Variants in WDR59 observed in about 807,000 individuals in gnomAD.
The protein encoded by WDR59 is GATOR2 complex protein WDR59.
In WDR59, 100 loss-of-function variants were observed where a neutral mutation model predicts 131.2. The observed-to-expected ratio is 0.76, with a 90% confidence interval of 0.65 to 0.90. WDR59 has a LOEUF of 0.90. Ranked by LOEUF, WDR59 falls within the 40% of genes least tolerant of loss-of-function variation. The pLI, the probability that WDR59 is intolerant of heterozygous loss-of-function variation, is 0.00. For synonymous variants in WDR59, 601 were observed against 466.2 expected, an observed-to-expected ratio of 1.29 and a Z score of -3.72; for missense variants, 1,203 against 1,262.2, an observed-to-expected ratio of 0.95 and a Z score of 0.71.
intron 25 of WDR59, among the ~76,000 whole-genome samples, chr16:74,878,179 G>T (rs1964308811): frequency 6.6e-6 from 1 of 152,138 alleles, no homozygotes; most frequent in South Asian, 2.1e-4. Context: ...AACCCACAAT[G>T]TAAGAAATCA....
rs527346748 is a variant in WDR59 at position 74,945,577 on chromosome 16, G to A, written c.446-2751C>T. ...CACCTGTATTTCTATTCAGTTATAC[G>A]CCCTCTGCAGCCAGTCTATGTCTCA... is the stretch of plus-strand genomic sequence containing the variant. On this transcript the variant is annotated intron_variant, in intron 6 of 25. Coordinates refer to ENST00000262144, the MANE Select transcript of WDR59 (RefSeq NM_030581.4). Among the ~76,000 whole-genome samples, 13 of 152,082 alleles carry A rather than the reference G, an allele frequency of 8.5e-5. No individual in the cohort carries two copies. In the East Asian group the frequency reaches 2.3e-3, roughly 27 times the overall value.
chr16:74,948,473 A>G, intron 6 of WDR59, 46 bp downstream of exon 6: 2 of 1,572,612 alleles, frequency 1.3e-6, no homozygotes, highest in Non-Finnish European at 1.8e-6. Context: ...AAGAAAATGA[A>G]GACAAACCAA....
At chr16:74,984,348 G>A (rs2034542176) in intron 1 of WDR59, among the ~76,000 whole-genome samples, 1 of 152,044 alleles carries the variant, frequency 6.6e-6, no homozygotes, top group Non-Finnish European at 1.5e-5. Flanking sequence ...TTGTAAGTAC[G>A]ACCATCTCCC....
chr16:74,941,402 T>C (rs942373288), intron 7 of WDR59, among the ~76,000 whole-genome samples: 2 of 146,218 alleles, frequency 1.4e-5, no homozygotes, highest in East Asian at 2.1e-4. Flanking sequence ...AACTAACATA[T>C]AGAAGATGTG....
chr16:74,984,844 C>G (rs1467853380), intron 1 of WDR59, 120 bp downstream of exon 1: 54 of 1,430,920 alleles, frequency 3.8e-5, no homozygotes, highest in Non-Finnish European at 5.1e-5. Context: ...AAGCCCCGCC[C>G]ACCTCCTCAG....
At chr16:74,910,284 C>T (rs1431198021) in intron 14 of WDR59, among the ~76,000 whole-genome samples, 1 of 152,094 alleles carries the variant, frequency 6.6e-6, no homozygotes, top group African/African-American at 2.4e-5. Context: ...GGCTTTTCTT[C>T]TGCAAAGTGG....
At chr16:74,965,929 T>G in intron 1 of WDR59, 107 bp from the exon 2 acceptor site, 4 of 1,150,690 alleles carry the variant, frequency 3.5e-6, no homozygotes, top group Non-Finnish European at 5.2e-6. Flanking sequence ...AGTCCCCAGC[T>G]CGCAGGTATC....
At chr16:74,884,270 C>T (rs886111452) in intron 25 of WDR59, among the ~76,000 whole-genome samples, 1 of 152,232 alleles carries the variant, frequency 6.6e-6, no homozygotes, top group Non-Finnish European at 1.5e-5. Context: ...GCCACAGTGA[C>T]CCTCTTAAAA....
At chr16:74,874,694 C>G (rs1317167929) in intron 25 of WDR59, among the ~76,000 whole-genome samples, 3 of 152,192 alleles carry the variant, frequency 2.0e-5, no homozygotes, top group African/African-American at 7.2e-5. Flanking sequence ...AGCCCGGATT[C>G]AAGTGTCCTG....
chr16:74,907,104 T>C (rs536219160), intron 17 of WDR59, among the ~76,000 whole-genome samples: 2 of 151,736 alleles, frequency 1.3e-5, no homozygotes, highest in Admixed American at 6.6e-5. Context: ...TGTTCCCTAG[T>C]ACTGAACCCC....
At chr16:74,926,940 A>C (rs2145028240) in intron 8 of WDR59, among the ~76,000 whole-genome samples, 1 of 152,318 alleles carries the variant, frequency 6.6e-6, no homozygotes, top group African/African-American at 2.4e-5. Context: ...GCCAACAATG[A>C]GGTGTTAATA....
chr16:74,935,979 A>G (rs888090340), intron 8 of WDR59, among the ~76,000 whole-genome samples: 2 of 151,786 alleles, frequency 1.3e-5, no homozygotes, highest in African/African-American at 4.8e-5. Flanking sequence ...CCCGGGTGAC[A>G]GAGCAAGACT....
intron 1 of WDR59, among the ~76,000 whole-genome samples, chr16:74,970,494 CCAAAAAAAAAAAAAAAAAAA>C (rs1200427985): frequency 2.2e-3 from 233 of 103,858 alleles, no homozygotes; most frequent in Non-Finnish European, 3.5e-3. Context: ...GACTCTGTCT[CCAAAAAAAAAAAAAAAAAAA>C]AAAAAAAAAA....
chr16:74,932,659 G>T (rs2031489515), intron 8 of WDR59, among the ~76,000 whole-genome samples: 1 of 151,602 alleles, frequency 6.6e-6, no homozygotes, highest in Non-Finnish European at 1.5e-5. Flanking sequence ...AAGGTAATTT[G>T]TTTATTTTTT....
intron 8 of WDR59, among the ~76,000 whole-genome samples, chr16:74,927,332 T>C (rs1017855781): frequency 2.6e-5 from 4 of 152,072 alleles, no homozygotes; most frequent in African/African-American, 9.7e-5. Flanking sequence ...CTCACACCTA[T>C]AATCCCAGCA....
At chr16:74,978,762 A>C (rs2145249836) in intron 1 of WDR59, among the ~76,000 whole-genome samples, 1 of 151,506 alleles carries the variant, frequency 6.6e-6, no homozygotes, top group South Asian at 2.1e-4. Flanking sequence ...TTTTTTTTTT[A>C]ATCACTCTGG....
At chr16:74,923,778 T>C (rs2145011344) in intron 9 of WDR59, 148 bp downstream of exon 9, 1 of 719,678 alleles carries the variant, frequency 1.4e-6, no homozygotes, top group Non-Finnish European at 2.3e-6. Context: ...GCATTTAAGC[T>C]ATCATTATCA....
At chr16:74,875,269 A>G (rs1236411509) in intron 25 of WDR59, among the ~76,000 whole-genome samples, 1 of 152,176 alleles carries the variant, frequency 6.6e-6, no homozygotes, top group African/African-American at 2.4e-5. Context: ...TCTGCTGGCA[A>G]TAGTCCCCTC....
intron 1 of WDR59, among the ~76,000 whole-genome samples, chr16:74,974,544 G>A (rs548178209): frequency 1.3e-5 from 2 of 152,248 alleles, no homozygotes; most frequent in African/African-American, 2.4e-5. Flanking sequence ...CTATCCTTGC[G>A]AGGCCTGCTT....
Sources: allele counts gnomAD v4.1 joint callset (sites outside exome capture counted in the v4.1 genomes callset), GRCh38; gene constraint gnomAD v4.1.1; transcripts MANE v1.5; gene names NCBI Gene and HGNC (gene_info 2026-07-23, HGNC 2026-07-21).